EPC1: variants seen among roughly 807,000 people sequenced by gnomAD.
EPC1 encodes the protein enhancer of polycomb 1.
In EPC1, 12 loss-of-function variants were observed where a neutral mutation model predicts 98.4. The ratio of observed to expected loss-of-function variants is 0.12; its 90% CI spans 0.08 to 0.20. EPC1 has a LOEUF of 0.20. Among genes scored for constraint, EPC1 ranks in the 10% least tolerant of loss-of-function variants. The pLI is 1.00. For missense variants in EPC1, 729 were observed against 990.5 expected, an observed-to-expected ratio of 0.74 and a Z score of 3.54; for synonymous variants, 357 against 363.9, an observed-to-expected ratio of 0.98 and a Z score of 0.21.
intron 1 of EPC1, among the ~76,000 whole-genome samples, chr10:32,330,739 T>C (rs914110403): frequency 6.6e-6 from 1 of 152,208 alleles, no homozygotes; most frequent in African/African-American, 2.4e-5. Flanking sequence ...AATTGGTTTC[T>C]TGCTAATGAT....
intron 10 of EPC1, among the ~76,000 whole-genome samples, chr10:32,280,802 G>C (rs1183521191): frequency 6.6e-6 from 1 of 152,036 alleles, no homozygotes; most frequent in Non-Finnish European, 1.5e-5. Context: ...TCGCATATTT[G>C]GCTTAAGTAG....
rs1839912665 is a variant in EPC1 at position 32,378,349 on chromosome 10, G to C, written c.3+142C>G. ...TTTTTCTTTTGGTAAAAATTAACCA[G>C]GCAAGATTAGGTAGAACGTGCAGAG... is the stretch of plus-strand genomic sequence containing the variant. On this transcript the variant is annotated intron_variant, in intron 1 of 13. Coordinates refer to the EPC1 transcript ENST00000375110. 3 of 502,734 alleles carry C rather than the reference G, an allele frequency of 6.0e-6. No individual in the cohort carries two copies. In the South Asian group the frequency reaches 1.5e-4, roughly 26 times the overall value. 31.1% of individuals were successfully genotyped at this position (502,734 alleles called of 1,614,324 possible). A position where few individuals can be genotyped will look rare whatever the true frequency, so the allele number is the denominator to read the frequency against.
Position 32,268,982 on chromosome 10 carries a change from T to G in EPC1, c.*81A>C. On this transcript the variant is annotated 3_prime_UTR_variant, in exon 14 of 14. Transcript: ENST00000319778. ...TGCCACAGAAACGCATGTGCTGCTT[T>G]CCATCATCCCTTGCATTCAAAATGC... 8.5e-7 allele frequency: 1 copy of G among 1,183,278 alleles called. No individual in the cohort carries two copies. Among genetic ancestry groups the G allele is most frequent in the Non-Finnish European group, 1.2e-6 (1 of 801,066 alleles). The allele number at this position is 1,183,278 out of a possible 1,614,324, so 73.3% of individuals were successfully genotyped here.
chr10:32,338,162 C>T (rs1310330519), intron 1 of EPC1, among the ~76,000 whole-genome samples: 4 of 152,200 alleles, frequency 2.6e-5, no homozygotes, highest in Non-Finnish European at 4.4e-5. Flanking sequence ...ATCCCTTCTA[C>T]ATCCCCCACC....
intron 10 of EPC1, chr10:32,282,534 T>C (rs1317817718): frequency 6.6e-6 from 1 of 151,994 alleles, no homozygotes; most frequent in Non-Finnish European, 1.5e-5. Flanking sequence ...AATAAATAAA[T>C]AGTTGTATCG....
intron 1 of EPC1, among the ~76,000 whole-genome samples, chr10:32,339,795 T>C (rs1838220962): frequency 6.6e-6 from 1 of 152,208 alleles, no homozygotes; most frequent in African/African-American, 2.4e-5. Flanking sequence ...CTCAGAGCTA[T>C]TTTGTAAGGT....
At chr10:32,364,935 G>A (rs576975072) in intron 1 of EPC1, among the ~76,000 whole-genome samples, 4 of 145,968 alleles carry the variant, frequency 2.7e-5, no homozygotes, top group African/African-American at 5.0e-5. Context: ...TTAGCTCATC[G>A]GCTATCGTTT....
At chr10:32,333,483 A>G (rs966104261) in intron 1 of EPC1, among the ~76,000 whole-genome samples, 1 of 152,210 alleles carries the variant, frequency 6.6e-6, no homozygotes, top group East Asian at 1.9e-4. Context: ...TATAAATTAA[A>G]TCAAGACCTC....
At chr10:32,360,343 G>A (rs775017729) in intron 1 of EPC1, among the ~76,000 whole-genome samples, 6 of 152,122 alleles carry the variant, frequency 3.9e-5, no homozygotes, top group Non-Finnish European at 8.8e-5. Flanking sequence ...GTTGCACAGT[G>A]GCTGCCCAAT....
chr10:32,330,929 T>A (rs1188068102), intron 1 of EPC1, among the ~76,000 whole-genome samples: 2 of 152,084 alleles, frequency 1.3e-5, no homozygotes, highest in Non-Finnish European at 2.9e-5. Flanking sequence ...GAATGTCTGA[T>A]CTCGTGTGTA....
intron 1 of EPC1, among the ~76,000 whole-genome samples, chr10:32,332,704 G>T (rs934850334): frequency 2.6e-5 from 4 of 151,768 alleles, no homozygotes; most frequent in Admixed American, 2.6e-4. Flanking sequence ...GTTGCCCCTG[G>T]ATTCCTGATC....
chr10:32,297,940 G>A (rs956594014), intron 2 of EPC1, among the ~76,000 whole-genome samples: 5 of 152,022 alleles, frequency 3.3e-5, no homozygotes, highest in Non-Finnish European at 7.4e-5. Flanking sequence ...TGGGACTACA[G>A]GCGCCCGCCA....
intron 11 of EPC1, 23 bp from the exon 12 acceptor site, chr10:32,272,190 A>G (rs750106116): frequency 1.3e-6 from 2 of 1,589,272 alleles, no homozygotes; most frequent in Non-Finnish European, 1.7e-6. Context: ...TACAAAAGAA[A>G]TCTAATCAGT....
intron 1 of EPC1, among the ~76,000 whole-genome samples, chr10:32,368,061 C>T (rs1444021440): frequency 1.3e-5 from 2 of 152,220 alleles, no homozygotes; most frequent in South Asian, 4.1e-4. Context: ...ACCTTTTCTA[C>T]TTCTCTTTAC....
At chr10:32,360,663 G>T (rs760045062) in intron 1 of EPC1, among the ~76,000 whole-genome samples, 2 of 152,172 alleles carry the variant, frequency 1.3e-5, no homozygotes, top group Non-Finnish European at 2.9e-5. Flanking sequence ...GGAGGCCAAG[G>T]TGGGTGGATC....
At chr10:32,285,113 G>T (rs1223119623) in intron 9 of EPC1, 63 bp from the exon 10 acceptor site, 1 of 1,353,572 alleles carries the variant, frequency 7.4e-7, no homozygotes, top group South Asian at 1.4e-5. Context: ...ATATATTAAA[G>T]CTTTTTCTTT....
At chr10:32,332,100 C>T (rs1461241328) in intron 1 of EPC1, among the ~76,000 whole-genome samples, 1 of 152,162 alleles carries the variant, frequency 6.6e-6, no homozygotes, top group African/African-American at 2.4e-5. Flanking sequence ...TGCAATATTA[C>T]GCCTTTAAGA....
In EPC1 at chr10:32,267,865, A is replaced by G. The variant is rs952847057; in HGVS notation, c.*1198T>C. The G allele has an allele frequency of 6.6e-6, 1 of 152,242 alleles. No individual in the cohort carries two copies. The highest frequency in any genetic ancestry group is 1.5e-5 in the Non-Finnish European group (1 of 68,050). 9.4% of individuals were successfully genotyped at this position (152,242 alleles called of 1,614,324 possible). A position where few individuals can be genotyped will look rare whatever the true frequency, so the allele number is the denominator to read the frequency against. Reference sequence around the variant, plus strand: ...GTATGCCATTGGACTGGGCATTCAGACTTCGGTACTGACAAAGCACTAGTA... The same window carrying G: ...GTATGCCATTGGACTGGGCATTCAGGCTTCGGTACTGACAAAGCACTAGTA... On this transcript the variant is annotated 3_prime_UTR_variant, in exon 14 of 14. Transcript: ENST00000319778.
At chr10:32,328,872 G>GT in intron 1 of EPC1, among the ~76,000 whole-genome samples, 1 of 152,144 alleles carries the variant, frequency 6.6e-6, no homozygotes, top group Non-Finnish European at 1.5e-5. Flanking sequence ...GTGGTTGCAG[G>GT]TAACATTTTT....
Sources: gnomAD v4.1 joint callset for allele counts (sites outside exome capture counted in the v4.1 genomes callset) on GRCh38, gnomAD v4.1.1 for gene constraint, MANE v1.5 for transcripts, NCBI Gene and HGNC (gene_info 2026-07-23, HGNC 2026-07-21) for gene names.